CAMK1G: variants seen among roughly 807,000 people sequenced by gnomAD.
CAMK1G encodes the protein calcium/calmodulin dependent protein kinase IG, also known as calcium/calmodulin-dependent protein kinase type 1G.
A neutral mutation model predicts 54.8 loss-of-function variants in CAMK1G; 27 were observed. That is an observed-to-expected ratio of 0.49 (90% CI 0.36 to 0.68). The LOEUF (loss-of-function observed/expected upper bound fraction) is 0.68, where lower values mean the gene tolerates loss of function less well. Ranked by LOEUF, CAMK1G falls within the 30% of genes least tolerant of loss-of-function variation. CAMK1G has a pLI of 0.00. For missense variants in CAMK1G, 512 were observed against 591.0 expected (o/e 0.87, Z 1.39); for synonymous variants, 238 against 224.9 (o/e 1.06, Z -0.52).
In CAMK1G at chr1:209,606,430, C is replaced by A. The variant is rs755455754; in HGVS notation, c.546C>A (p.Thr182=). The A allele has an allele frequency of 3.1e-6, 5 of 1,613,778 alleles. No homozygotes were observed. Among genetic ancestry groups the A allele is most frequent in the Non-Finnish European group, 4.2e-6 (5 of 1,179,884 alleles). ...GCATCATGTCCACTGCCTGTGGGAC[C>A]CCAGGCTACGTGGGTAAGTCTGGGA... The part of the protein sequence containing the change: ...QNGIMSTACG[T]PGYVAPEVLA... The change falls in exon 6 of 13, where the codon ACC becomes ACA. Residue 182 remains threonine (T), a synonymous_variant. Coordinates refer to ENST00000361322, the MANE Select transcript of CAMK1G (RefSeq NM_020439.3).
chr1:209,605,428 C>T lies in CAMK1G; in HGVS notation c.297-108C>T, dbSNP rs6691432. On this transcript the variant is annotated intron_variant, in intron 4 of 12. Transcript: ENST00000361322. Reference sequence around the variant, plus strand: ...GCCCTTCAATCACAGTTCATGGGGGCCTGCCTGTTCCACTGCAGCTGTGTC... The same window carrying T: ...GCCCTTCAATCACAGTTCATGGGGGTCTGCCTGTTCCACTGCAGCTGTGTC... 4,164 of 1,333,978 alleles carry T rather than the reference C, an allele frequency of 3.1e-3. 119 individuals are homozygous for T. The African/African-American group carries it at 0.054, about 17-fold the overall frequency. 82.6% of individuals were successfully genotyped at this position (1,333,978 alleles called of 1,614,324 possible).
chr1:209,602,350 C>T (rs1360647295), intron 3 of CAMK1G, among the ~76,000 whole-genome samples: 2 of 152,136 alleles, frequency 1.3e-5, no homozygotes, highest in African/African-American at 4.8e-5. Context: ...TTGAGAATCA[C>T]CATCTAAGTC....
At chr1:209,588,738 G>GGAA (rs931725550) in intron 1 of CAMK1G, among the ~76,000 whole-genome samples, 2 of 152,170 alleles carry the variant, frequency 1.3e-5, no homozygotes, top group Non-Finnish European at 2.9e-5. Flanking sequence ...GGCTAGTGGT[G>GGAA]CTCCCTTTAC....
chr1:209,612,497 T>C (rs1273445785), intron 11 of CAMK1G, among the ~76,000 whole-genome samples: 1 of 152,190 alleles, frequency 6.6e-6, no homozygotes, highest in East Asian at 1.9e-4. Context: ...AGAGGTACTA[T>C]AAAAGGTTAG....
intron 2 of CAMK1G, among the ~76,000 whole-genome samples, chr1:209,596,659 CACCACACACACA>C (rs1290608707): frequency 2.7e-4 from 34 of 124,952 alleles, no homozygotes; most frequent in African/African-American, 7.5e-4. Context: ...ATCACACACA[CACCACACACACA>C]CACACACACA....
chr1:209,600,134 T>C, intron 3 of CAMK1G, 23 bp downstream of exon 3: 1 of 1,609,612 alleles, frequency 6.2e-7, no homozygotes, highest in Non-Finnish European at 8.5e-7. Flanking sequence ...TAGTGTTGAC[T>C]GGATCACTAT....
At chr1:209,609,818 C>T (rs752666731) in intron 8 of CAMK1G, 33 bp from the exon 9 acceptor site, 18 of 1,610,892 alleles carry the variant, frequency 1.1e-5, no homozygotes, top group Non-Finnish European at 1.4e-5. Context: ...AAATCTGGTC[C>T]TTAGTCGTCG....
At chr1:209,594,857 C>T (rs752107339) in intron 1 of CAMK1G, 98 bp from the exon 2 acceptor site, 260 of 654,358 alleles carry the variant, frequency 4.0e-4, no homozygotes, top group Non-Finnish European at 5.9e-4. Flanking sequence ...CTGATAATTA[C>T]AGAAAGATGT....
intron 1 of CAMK1G, among the ~76,000 whole-genome samples, chr1:209,594,752 G>A (rs980599608): frequency 1.3e-5 from 2 of 152,234 alleles, no homozygotes; most frequent in Admixed American, 1.3e-4. Context: ...ACATGTAGTA[G>A]GCATTCCATG....
intron 1 of CAMK1G, among the ~76,000 whole-genome samples, chr1:209,594,559 A>G (rs190072059): frequency 6.6e-6 from 1 of 152,356 alleles, no homozygotes; most frequent in East Asian, 1.9e-4. Flanking sequence ...GGGAGGTGGC[A>G]GAGTTGTGAC....
At chr1:209,602,185 G>A (rs1248616040) in intron 3 of CAMK1G, among the ~76,000 whole-genome samples, 1 of 152,076 alleles carries the variant, frequency 6.6e-6, no homozygotes, top group African/African-American at 2.4e-5. Flanking sequence ...ATTATTTGTG[G>A]TGCTGGGGGC....
intron 10 of CAMK1G, 27 bp downstream of exon 10, chr1:209,611,579 A>G (rs1665781470): frequency 6.2e-7 from 1 of 1,603,668 alleles, no homozygotes; most frequent in Non-Finnish European, 8.5e-7. Flanking sequence ...AGGGGGTGGG[A>G]AAGCTGTTCT....
intron 6 of CAMK1G, chr1:209,607,653 G>A (rs1408595493): frequency 3.9e-6 from 2 of 516,104 alleles, no homozygotes; most frequent in Non-Finnish European, 6.9e-6. Flanking sequence ...ACAAACTAAT[G>A]CAGAAGTCAC....
At chr1:209,597,388 T>C (rs1318682361) in intron 2 of CAMK1G, among the ~76,000 whole-genome samples, 1 of 152,222 alleles carries the variant, frequency 6.6e-6, no homozygotes, top group Non-Finnish European at 1.5e-5. Context: ...GTCTTTCACA[T>C]TGAATTCCAA....
Position 209,612,847 on chromosome 1 carries a change from G to A in CAMK1G, c.1403G>A (p.Gly468Glu). Reference sequence around the variant, plus strand: ...AGTGGCAGCTCCCACTGCCGGGCAGGGCAGACTGGAGTCTGTCTCATTATG... The same window carrying A: ...AGTGGCAGCTCCCACTGCCGGGCAGAGCAGACTGGAGTCTGTCTCATTATG... ...KASGSSHCRAGQTGVCLIM is the reference protein window; with the variant it reads ...KASGSSHCRAEQTGVCLIM The change falls in exon 12 of 13, where the codon GGG becomes GAG. Residue 468 changes from glycine (G) to glutamate (E), a missense_variant. This residue lies in a region of CAMK1G where 315 missense variants were observed against 330.5 expected (regional missense o/e 0.95). Coordinates refer to ENST00000361322, the MANE Select transcript of CAMK1G (RefSeq NM_020439.3). The A allele has an allele frequency of 1.2e-6, 2 of 1,613,708 alleles. No individual in the cohort carries two copies. The highest frequency in any genetic ancestry group is 1.7e-6 in the Non-Finnish European group (2 of 1,179,674).
intron 1 of CAMK1G, among the ~76,000 whole-genome samples, chr1:209,590,036 C>G (rs572078208): frequency 6.6e-6 from 1 of 152,340 alleles, no homozygotes; most frequent in Non-Finnish European, 1.5e-5. Flanking sequence ...AAAATCAGCC[C>G]TAAATCTCAG....
At chr1:209,597,022 T>C (rs1665406864) in intron 2 of CAMK1G, among the ~76,000 whole-genome samples, 1 of 152,108 alleles carries the variant, frequency 6.6e-6, no homozygotes. Flanking sequence ...ACAGGAGGCA[T>C]GTCACAGCTG....
intron 4 of CAMK1G, 98 bp from the exon 5 acceptor site, chr1:209,605,438 C>A: frequency 1.4e-6 from 2 of 1,426,832 alleles, no homozygotes; most frequent in Non-Finnish European, 1.9e-6. Flanking sequence ...CCTGCCTGTT[C>A]CACTGCAGCT....
intron 2 of CAMK1G, among the ~76,000 whole-genome samples, chr1:209,596,946 T>G (rs1368260927): frequency 6.6e-6 from 1 of 152,174 alleles, no homozygotes; most frequent in Non-Finnish European, 1.5e-5. Context: ...GAATCTATAT[T>G]TTAAGTGCTT....
Sources: gnomAD v4.1 joint callset for allele counts (sites outside exome capture counted in the v4.1 genomes callset) on GRCh38, gnomAD v4.1.1 for gene constraint, gnomAD v4.1.1 regional missense constraint, MANE v1.5 for transcripts, NCBI Gene and HGNC (gene_info 2026-07-23, HGNC 2026-07-21) for gene names.